MPDZ: variants seen among roughly 807,000 people sequenced by gnomAD.
MPDZ encodes the protein multiple PDZ domain crumbs cell polarity complex component, also known as multiple PDZ domain protein.
A neutral mutation model predicts 239.1 loss-of-function variants in MPDZ; 234 were observed. The observed-to-expected ratio is 0.98, with a 90% CI of 0.88 to 1.09. The LOEUF (loss-of-function observed/expected upper bound fraction) is 1.09, where lower values mean the gene tolerates loss of function less well. Among genes scored for constraint, MPDZ ranks in the 50% least tolerant of loss-of-function variants. The pLI is 0.00. For missense variants in MPDZ, 3,175 were observed against 2,510.0 expected (o/e 1.26, Z -5.66); for synonymous variants, 1,048 against 881.3 (o/e 1.19, Z -3.35).
At chr9:13,163,054 G>A (rs1177585398) in intron 22 of MPDZ, among the ~76,000 whole-genome samples, 1 of 152,056 alleles carries the variant, frequency 6.6e-6, no homozygotes, top group Non-Finnish European at 1.5e-5. Flanking sequence ...TGCAGAGAAG[G>A]AAAACAATTA....
At chr9:13,145,859 G>C (rs1948361109) in intron 26 of MPDZ, among the ~76,000 whole-genome samples, 1 of 151,902 alleles carries the variant, frequency 6.6e-6, no homozygotes, top group Non-Finnish European at 1.5e-5. Context: ...AAGCAATATT[G>C]AGAATCACTA....
At chr9:13,135,541 A>G (rs1035216090) in intron 31 of MPDZ, 1 of 152,118 alleles carries the variant, frequency 6.6e-6, no homozygotes, top group Non-Finnish European at 1.5e-5. Flanking sequence ...ATTTTTAACT[A>G]AACATTTCTC....
At chr9:13,211,781 G>T (rs902745239) in intron 10 of MPDZ, among the ~76,000 whole-genome samples, 4 of 151,898 alleles carry the variant, frequency 2.6e-5, no homozygotes, top group African/African-American at 9.7e-5. Context: ...AAATAAAAAG[G>T]TATAGGCAAA....
intron 24 of MPDZ, among the ~76,000 whole-genome samples, chr9:13,155,688 A>G (rs1177986828): frequency 6.6e-6 from 1 of 152,186 alleles, no homozygotes; most frequent in Non-Finnish European, 1.5e-5. Context: ...ATTTTCATAC[A>G]AAGTACATTT....
At chr9:13,148,983 C>CAA (rs1038344417) in intron 25 of MPDZ, among the ~76,000 whole-genome samples, 4 of 132,106 alleles carry the variant, frequency 3.0e-5, no homozygotes, top group Non-Finnish European at 5.0e-5. Flanking sequence ...TTCTTGTCTA[C>CAA]AAAAAAAAAA....
At chr9:13,174,756 C>G (rs1174697445) in intron 21 of MPDZ, among the ~76,000 whole-genome samples, 1 of 152,142 alleles carries the variant, frequency 6.6e-6, no homozygotes. Flanking sequence ...TTTGTATCAT[C>G]ATCCTATTAA....
chr9:13,233,062 G>C (rs902553775), intron 3 of MPDZ, among the ~76,000 whole-genome samples: 1 of 152,114 alleles, frequency 6.6e-6, no homozygotes, highest in Non-Finnish European at 1.5e-5. Context: ...TGTGAGCATT[G>C]ATGTGGAGCC....
At chr9:13,244,534 G>A (rs1368162061) in intron 3 of MPDZ, among the ~76,000 whole-genome samples, 1 of 152,114 alleles carries the variant, frequency 6.6e-6, no homozygotes, top group Non-Finnish European at 1.5e-5. Context: ...GCTGGCGTTA[G>A]AACAATACAC....
intron 3 of MPDZ, among the ~76,000 whole-genome samples, chr9:13,246,125 C>G: frequency 6.6e-6 from 1 of 152,128 alleles, no homozygotes; most frequent in East Asian, 1.9e-4. Context: ...TCTCCAAAAG[C>G]TTACCAATCC....
At chr9:13,212,827 C>T (rs1312900651) in intron 10 of MPDZ, among the ~76,000 whole-genome samples, 2 of 142,558 alleles carry the variant, frequency 1.4e-5, no homozygotes, top group Non-Finnish European at 3.0e-5. Context: ...AGAGAGCCAA[C>T]ATCCTCGTAG....
chr9:13,160,017 A>G (rs887000520), intron 23 of MPDZ, among the ~76,000 whole-genome samples: 1 of 152,188 alleles, frequency 6.6e-6, no homozygotes, highest in African/African-American at 2.4e-5. Flanking sequence ...TGTACCAGGT[A>G]AAGTAACTGG....
chr9:13,206,457 T>C (rs1321933057), intron 10 of MPDZ, among the ~76,000 whole-genome samples: 1 of 151,982 alleles, frequency 6.6e-6, no homozygotes, highest in African/African-American at 2.4e-5. Context: ...GGTGCAATCA[T>C]GGCTTCCTTC....
chr9:13,275,458 G>A (rs1973951916), intron 1 of MPDZ, among the ~76,000 whole-genome samples: 1 of 152,152 alleles, frequency 6.6e-6, no homozygotes, highest in Admixed American at 6.5e-5. Context: ...CCAGAACTGT[G>A]AGGAAATAAA....
At chr9:13,166,213 G>T (rs947036105) in intron 22 of MPDZ, among the ~76,000 whole-genome samples, 1 of 152,100 alleles carries the variant, frequency 6.6e-6, no homozygotes, top group African/African-American at 2.4e-5. Flanking sequence ...GTTCTATTCA[G>T]AGTAATGGAA....
At chr9:13,112,622 C>G (rs768689352) in intron 42 of MPDZ, among the ~76,000 whole-genome samples, 3 of 152,140 alleles carry the variant, frequency 2.0e-5, no homozygotes, top group Non-Finnish European at 4.4e-5. Context: ...TAAGAGTGCT[C>G]AGAACAATAG....
Position 13,150,611 on chromosome 9 carries a change from C to T in MPDZ, c.3530G>A (p.Ser1177Asn). ...VGGRGMGSRL[S>N]NGEVMRGIFI... ...AATGCCCCTCATCACTTCTCCATTG[C>T]TTAGCCGACTCCCCATCCCTCGTCC... The change falls in exon 25 of 47, where the codon AGC becomes AAC. Residue 1177 changes from serine to asparagine, a missense_variant. Coordinates refer to ENST00000319217, the MANE Select transcript of MPDZ (RefSeq NM_001378778.1). 1 of 1,543,588 alleles carries T rather than the reference C, an allele frequency of 6.5e-7. No individual in the cohort carries two copies. Among genetic ancestry groups the T allele is most frequent in the Non-Finnish European group, 8.7e-7 (1 of 1,143,168 alleles).
At chr9:13,242,323 T>C (rs902234182) in intron 3 of MPDZ, among the ~76,000 whole-genome samples, 1 of 137,910 alleles carries the variant, frequency 7.3e-6, no homozygotes, top group African/African-American at 2.7e-5. Context: ...CTTCCTGGGC[T>C]CAAGCAATTC....
At chr9:13,176,931 A>G (rs969529920) in intron 19 of MPDZ, among the ~76,000 whole-genome samples, 7 of 152,172 alleles carry the variant, frequency 4.6e-5, no homozygotes, top group African/African-American at 1.7e-4. Flanking sequence ...AGAAGAATAG[A>G]AAGTTTTACA....
At chr9:13,208,666 G>GTTATTT (rs1957267144) in intron 10 of MPDZ, among the ~76,000 whole-genome samples, 1 of 148,304 alleles carries the variant, frequency 6.7e-6, no homozygotes, top group Non-Finnish European at 1.5e-5. Flanking sequence ...GTTTATATAG[G>GTTATTT]ATATATATAT....
Sources: gnomAD v4.1 joint callset for allele counts (sites outside exome capture counted in the v4.1 genomes callset) on GRCh38, gnomAD v4.1.1 for gene constraint, MANE v1.5 for transcripts, NCBI Gene and HGNC (gene_info 2026-07-23, HGNC 2026-07-21) for gene names.